Variants in GLMN observed in about 807,000 individuals in gnomAD.
The protein encoded by GLMN is glomulin, FKBP associated protein.
A neutral mutation model predicts 87.8 loss-of-function variants in GLMN; 75 were observed. The observed-to-expected ratio is 0.85, with a 90% CI of 0.71 to 1.04. The LOEUF (loss-of-function observed/expected upper bound fraction) is 1.04. Ranked by LOEUF, GLMN falls within the 50% of genes least tolerant of loss-of-function variation. The pLI is 0.00. For missense variants in GLMN, 588 were observed against 658.8 expected, an observed-to-expected ratio of 0.89 and a Z score of 1.18; for synonymous variants, 206 against 221.6, an observed-to-expected ratio of 0.93 and a Z score of 0.63.
At chr1:92,340,984 A>G in the GLMN span, among the ~76,000 whole-genome samples, 1 of 152,148 alleles carries the variant, frequency 6.6e-6, no homozygotes, top group Non-Finnish European at 1.5e-5. Context: ...TATGAATTTC[A>G]AATTATGTTT....
the GLMN span, among the ~76,000 whole-genome samples, chr1:92,306,189 C>G: frequency 1.3e-5 from 2 of 152,002 alleles, no homozygotes; most frequent in African/African-American, 4.8e-5. Context: ...TTAACAGAGA[C>G]AGAAAGTAGA....
At chr1:92,330,995 G>T in the GLMN span, among the ~76,000 whole-genome samples, 2 of 152,166 alleles carry the variant, frequency 1.3e-5, no homozygotes, top group African/African-American at 4.8e-5. Context: ...CACTGTTGGG[G>T]TGTGGTGGTT....
chr1:92,355,530 T>C, the GLMN span, among the ~76,000 whole-genome samples: 2 of 152,230 alleles, frequency 1.3e-5, no homozygotes, highest in Non-Finnish European at 2.9e-5. Flanking sequence ...CCAAGTGTTA[T>C]ACTTTGTTAG....
At chr1:92,322,083 CT>C in the GLMN span, among the ~76,000 whole-genome samples, 1 of 150,758 alleles carries the variant, frequency 6.6e-6, no homozygotes, top group East Asian at 2.0e-4. Context: ...GTAACTGGGA[CT>C]ACAGGCATGC....
chr1:92,264,986 C>T (rs1655447937), intron 13 of GLMN, among the ~76,000 whole-genome samples: 1 of 152,074 alleles, frequency 6.6e-6, no homozygotes, highest in Non-Finnish European at 1.5e-5. Context: ...TGATTACAGG[C>T]GCCCGCCACC....
Position 92,267,941 on chromosome 1 carries a change from T to G in GLMN, c.1070A>C (p.Glu357Ala), listed in dbSNP as rs1379514879. The G allele has an allele frequency of 6.5e-7, 1 of 1,533,170 alleles. No homozygotes were observed. 95.0% of individuals were successfully genotyped at this position (1,533,170 alleles called of 1,614,324 possible). ...AGGTACAGTAAGAAAACTCTTGATT[T>G]CTAAGTACTGGTAAAGTAGACTATT... The part of the protein sequence containing the change: ...EDNSLLYQYL[E>A]IKSFLTVPQG... The change falls in exon 11 of 19, where the codon GAA becomes GCA. Residue 357 changes from glutamate to alanine, a missense_variant. Physicochemically the swap from Glu to Ala is moderately radical, Grantham distance 107. Coordinates refer to ENST00000370360, the MANE Select transcript of GLMN (RefSeq NM_053274.3).
the GLMN span, among the ~76,000 whole-genome samples, chr1:92,350,589 C>T: frequency 1.3e-5 from 2 of 152,144 alleles, no homozygotes; most frequent in Non-Finnish European, 2.9e-5. Flanking sequence ...ATGTTAGGCT[C>T]TTTCCACAAT....
chr1:92,340,610 C>T, the GLMN span, among the ~76,000 whole-genome samples: 6 of 152,142 alleles, frequency 3.9e-5, no homozygotes, highest in East Asian at 1.9e-4. Context: ...GAGTTTCATT[C>T]GGCTAGGGTT....
intron 7 of GLMN, among the ~76,000 whole-genome samples, chr1:92,275,133 G>A (rs1193692746): frequency 6.6e-6 from 1 of 152,168 alleles, no homozygotes; most frequent in Non-Finnish European, 1.5e-5. Flanking sequence ...ACTGACTCAT[G>A]CTTCCGTGGT....
chr1:92,267,772 C>T (rs956826410), intron 11 of GLMN, 141 bp downstream of exon 11: 1 of 647,776 alleles, frequency 1.5e-6, no homozygotes, highest in Non-Finnish European at 2.8e-6. Flanking sequence ...TTCATATTGT[C>T]AAAGTTCTAC....
the GLMN span, among the ~76,000 whole-genome samples, chr1:92,341,120 C>T: frequency 1.3e-5 from 2 of 152,018 alleles, no homozygotes; most frequent in African/African-American, 2.4e-5. Flanking sequence ...GCAATCCTCC[C>T]ACCTTAGCCT....
chr1:92,292,358 C>A (rs1649503400), intron 3 of GLMN, among the ~76,000 whole-genome samples: 2 of 152,036 alleles, frequency 1.3e-5, no homozygotes, highest in Non-Finnish European at 1.5e-5. Context: ...TTGAGACCAG[C>A]CTGGGCAACC....
the GLMN span, among the ~76,000 whole-genome samples, chr1:92,313,580 C>G: frequency 6.6e-6 from 1 of 150,420 alleles, no homozygotes; most frequent in East Asian, 2.0e-4. Context: ...TAGCATAATT[C>G]TTAGGGGCCC....
chr1:92,268,056 T>G, intron 10 of GLMN, 49 bp downstream of exon 10: 1 of 1,377,514 alleles, frequency 7.3e-7, no homozygotes, highest in Non-Finnish European at 1.0e-6. Flanking sequence ...CAGCTGTTAT[T>G]TGTTGACATA....
the GLMN span, among the ~76,000 whole-genome samples, chr1:92,343,878 A>G: frequency 2.6e-5 from 4 of 152,162 alleles, no homozygotes; most frequent in African/African-American, 9.7e-5. Flanking sequence ...CCTTATTGCA[A>G]AGATGACATA....
At chr1:92,293,528 A>G (rs1649672372) in intron 3 of GLMN, among the ~76,000 whole-genome samples, 1 of 152,058 alleles carries the variant, frequency 6.6e-6, no homozygotes, top group Admixed American at 6.6e-5. Context: ...TACTACAACC[A>G]TTAATGAGAA....
the GLMN span, among the ~76,000 whole-genome samples, chr1:92,326,097 A>G: frequency 6.6e-6 from 1 of 151,898 alleles, no homozygotes; most frequent in Non-Finnish European, 1.5e-5. Flanking sequence ...ATACTAGATA[A>G]TGCCAAACAG....
At chr1:92,314,522 G>A in the GLMN span, among the ~76,000 whole-genome samples, 7 of 152,110 alleles carry the variant, frequency 4.6e-5, no homozygotes, top group Admixed American at 2.0e-4. Context: ...GGCCAAGGCC[G>A]GTGGATCACT....
chr1:92,268,304 C>T (rs1161959877), intron 9 of GLMN, among the ~76,000 whole-genome samples, 169 bp from the exon 10 acceptor site: 1 of 152,186 alleles, frequency 6.6e-6, no homozygotes, highest in Non-Finnish European at 1.5e-5. Context: ...CATCTTTGAT[C>T]TGTCTTTCGG....
Sources: gnomAD v4.1 joint callset for allele counts (sites outside exome capture counted in the v4.1 genomes callset) on GRCh38, gnomAD v4.1.1 for gene constraint, MANE v1.5 for transcripts, NCBI Gene and HGNC (gene_info 2026-07-23, HGNC 2026-07-21) for gene names.